HS6ST3: variants seen among roughly 807,000 people sequenced by gnomAD.
HS6ST3 encodes the protein heparan-sulfate 6-O-sulfotransferase 3.
A neutral mutation model predicts 36.7 loss-of-function variants in HS6ST3; 12 were observed. The ratio of observed to expected loss-of-function variants is 0.33; its 90% CI spans 0.21 to 0.53. The LOEUF (loss-of-function observed/expected upper bound fraction) is 0.53, where lower values mean the gene tolerates loss of function less well. Ranked by LOEUF, HS6ST3 falls within the 20% of genes least tolerant of loss-of-function variation. The pLI, the probability that HS6ST3 is intolerant of heterozygous loss-of-function variation, is 0.95. For synonymous variants in HS6ST3, 240 were observed against 257.5 expected, an observed-to-expected ratio of 0.93 and a Z score of 0.65; for missense variants, 584 against 640.9, an observed-to-expected ratio of 0.91 and a Z score of 0.96.
intron 1 of HS6ST3, among the ~76,000 whole-genome samples, chr13:96,373,318 A>G (rs2055298952): frequency 1.3e-5 from 2 of 152,184 alleles, no homozygotes; most frequent in South Asian, 4.1e-4. Context: ...TCAACTTACT[A>G]AAGGACCCTA....
intron 1 of HS6ST3, among the ~76,000 whole-genome samples, chr13:96,583,317 A>G (rs1289550364): frequency 5.7e-5 from 8 of 139,300 alleles, no homozygotes; most frequent in African/African-American, 2.2e-4. Flanking sequence ...AAGTTCGAGC[A>G]ATTCTCCTGC....
intron 1 of HS6ST3, among the ~76,000 whole-genome samples, chr13:96,641,327 G>A (rs1281652565): frequency 1.3e-5 from 2 of 151,798 alleles, no homozygotes; most frequent in African/African-American, 4.8e-5. Flanking sequence ...GAACTGTATT[G>A]CTGTATAGAA....
intron 1 of HS6ST3, among the ~76,000 whole-genome samples, chr13:96,321,251 C>A (rs911887127): frequency 2.6e-5 from 4 of 152,096 alleles, no homozygotes; most frequent in African/African-American, 9.7e-5. Flanking sequence ...GTGATCCCTC[C>A]ACGTTGAAGT....
At chr13:96,542,001 A>G (rs1187874234) in intron 1 of HS6ST3, among the ~76,000 whole-genome samples, 2 of 152,152 alleles carry the variant, frequency 1.3e-5, no homozygotes, top group Non-Finnish European at 2.9e-5. Flanking sequence ...TTTCTTTCTT[A>G]CTATTATTGG....
rs555704843 is a variant in HS6ST3 at position 96,751,703 on chromosome 13, G to A, written c.708-80787G>A. Among the ~76,000 whole-genome samples, 2 of 151,760 alleles carry A rather than the reference G, an allele frequency of 1.3e-5. 1 individual carries two copies. The highest frequency in any genetic ancestry group is 1.3e-4 in the Admixed American group (2 of 15,196). ...TATAGTTAATGCAATGTTTCTCTTC[G>A]ATATTCTGTTTAAGGAAAAAAAGGC... is the stretch of plus-strand genomic sequence containing the variant. On this transcript the variant is annotated intron_variant, in intron 1 of 1. Coordinates refer to ENST00000376705, the MANE Select transcript of HS6ST3 (RefSeq NM_153456.4).
intron 1 of HS6ST3, among the ~76,000 whole-genome samples, chr13:96,170,829 C>T (rs185680540): frequency 1.8e-4 from 27 of 152,262 alleles, no homozygotes; most frequent in Admixed American, 1.3e-4. Context: ...CAAGTGAGGC[C>T]TTGATGTAGC....
rs3051282 is a variant in HS6ST3 at position 96,580,193 on chromosome 13, CATATATATATATAT to C, written c.708-252276_708-252263del. 6.8e-3 allele frequency among the ~76,000 whole-genome samples: 956 copies of C among 140,422 alleles called. 11 individuals carry two copies. The highest frequency in any genetic ancestry group is 0.015 in the Middle Eastern group (4 of 270). The allele number at this position is 140,422 out of a possible 152,430, so 92.1% of individuals were successfully genotyped here. A position where few individuals can be genotyped will look rare whatever the true frequency, so the allele number is the denominator to read the frequency against. On this transcript the variant is annotated intron_variant, in intron 1 of 1. Transcript: ENST00000376705. ...AGCATCTTCCAGGACCCCATCCAGA[CATATATATATATAT>C]ATATATATATATATATATATTTATG... is the stretch of plus-strand genomic sequence containing the variant.
chr13:96,476,577 C>T (rs900414515), intron 1 of HS6ST3, among the ~76,000 whole-genome samples: 2 of 152,054 alleles, frequency 1.3e-5, no homozygotes, highest in East Asian at 1.9e-4. Flanking sequence ...TAGCCAGGAT[C>T]GTCTTGATCT....
chr13:96,274,187 C>T (rs1594739896), intron 1 of HS6ST3, among the ~76,000 whole-genome samples: 1 of 151,586 alleles, frequency 6.6e-6, no homozygotes, highest in Admixed American at 6.6e-5. Flanking sequence ...AAAATATGGC[C>T]ACTAGCAGCT....
intron 1 of HS6ST3, among the ~76,000 whole-genome samples, chr13:96,439,137 T>C (rs2055657721): frequency 6.6e-6 from 1 of 152,154 alleles, no homozygotes; most frequent in Admixed American, 6.5e-5. Context: ...GATCTTATAT[T>C]TGAGTGTGGG....
At chr13:96,542,719 A>C (rs546115606) in intron 1 of HS6ST3, among the ~76,000 whole-genome samples, 1 of 152,194 alleles carries the variant, frequency 6.6e-6, no homozygotes, top group African/African-American at 2.4e-5. Flanking sequence ...CATGACCTCC[A>C]CTCAAGATCA....
At chr13:96,148,761 TA>T (rs2054069866) in intron 1 of HS6ST3, among the ~76,000 whole-genome samples, 1 of 152,178 alleles carries the variant, frequency 6.6e-6, no homozygotes, top group Non-Finnish European at 1.5e-5. Flanking sequence ...GAAACCCAGG[TA>T]GCTACACAGA....
rs145333118 is a variant in HS6ST3, at chr13:96,550,688, G to A, written c.708-281802G>A. Among the ~76,000 whole-genome samples the A allele has an allele frequency of 3.2e-3, 480 of 151,952 alleles. 1 individual carries two copies. The highest frequency in any genetic ancestry group is 0.011 in the African/African-American group (461 of 41,424). On this transcript the variant is annotated intron_variant, in intron 1 of 1. Transcript: ENST00000376705. ...TTTTTGCTTGTATACTCAAAACTTG[G>A]CGTAATTATGTATTGAGTGAAGGGA...
At chr13:96,745,756 G>C (rs1369318495) in intron 1 of HS6ST3, among the ~76,000 whole-genome samples, 2 of 152,044 alleles carry the variant, frequency 1.3e-5, no homozygotes, top group African/African-American at 4.8e-5. Flanking sequence ...GAGGTGGTTT[G>C]ATATGCACTC....
At chr13:96,110,540 C>T (rs1398273419) in intron 1 of HS6ST3, among the ~76,000 whole-genome samples, 1 of 151,782 alleles carries the variant, frequency 6.6e-6, no homozygotes, top group African/African-American at 2.4e-5. Flanking sequence ...AGGTTCACAC[C>T]ATTCTCCTGC....
At chr13:96,697,045 T>C (rs964418334) in intron 1 of HS6ST3, among the ~76,000 whole-genome samples, 39 of 152,224 alleles carry the variant, frequency 2.6e-4, no homozygotes, top group Non-Finnish European at 4.7e-4. Context: ...AGATCACTTA[T>C]AATAACTATA....
intron 1 of HS6ST3, among the ~76,000 whole-genome samples, chr13:96,497,941 A>C (rs941891582): frequency 3.9e-5 from 6 of 152,188 alleles, no homozygotes; most frequent in African/African-American, 1.4e-4. Context: ...GTACAAATTC[A>C]CCAACATACA....
chr13:96,837,944 A>T lies in HS6ST3; in HGVS notation c.*4746A>T, dbSNP rs74830955. The T allele has an allele frequency of 6.6e-6, 1 of 152,016 alleles. No individual in the cohort carries two copies. The highest frequency in any genetic ancestry group is 1.5e-5 in the Non-Finnish European group (1 of 68,022). 9.4% of individuals were successfully genotyped at this position (152,016 alleles called of 1,614,324 possible). On this transcript the variant is annotated 3_prime_UTR_variant, in exon 2 of 2. Coordinates refer to ENST00000376705, the MANE Select transcript of HS6ST3 (RefSeq NM_153456.4). ...TACTGCTTTCATTCTTAAAGGTTTC[A>T]TTGGCTGTTAAATGAGTCCCTTTGC...
intron 1 of HS6ST3, among the ~76,000 whole-genome samples, chr13:96,225,791 G>T (rs1400371250): frequency 6.6e-6 from 1 of 152,150 alleles, no homozygotes; most frequent in Non-Finnish European, 1.5e-5. Flanking sequence ...ATTGATGAAA[G>T]TTAAGTATCT....
Sources: gnomAD v4.1 joint callset for allele counts (sites outside exome capture counted in the v4.1 genomes callset) on GRCh38, gnomAD v4.1.1 for gene constraint, MANE v1.5 for transcripts, NCBI Gene and HGNC (gene_info 2026-07-23, HGNC 2026-07-21) for gene names.